The following ASIC2 variants were observed in gnomAD, a reference collection of about 807,000 sequenced individuals.
ASIC2 encodes acid sensing ion channel subunit 2, also known as acid-sensing ion channel 2.
In ASIC2, 25 loss-of-function variants were observed where a neutral mutation model predicts 57.3. That is an observed-to-expected ratio of 0.44 (90% CI 0.32 to 0.61). The LOEUF is 0.61. Ranked by LOEUF, ASIC2 falls within the 20% of genes least tolerant of loss-of-function variation. The pLI is 0.06. For missense variants in ASIC2, 641 were observed against 738.1 expected, an observed-to-expected ratio of 0.87 and a Z score of 1.52; for synonymous variants, 319 against 307.5, an observed-to-expected ratio of 1.04 and a Z score of -0.39.
chr17:34,005,831 C>T (rs886300606), intron 1 of ASIC2: 13 of 152,252 alleles, frequency 8.5e-5, no homozygotes, highest in African/African-American at 2.9e-4. Context: ...AGATCATACT[C>T]AACTGTGGCC....
chr17:33,597,411 A>T (rs1182674891), intron 1 of ASIC2, among the ~76,000 whole-genome samples: 3 of 152,206 alleles, frequency 2.0e-5, no homozygotes, highest in Admixed American at 2.0e-4. Context: ...CTTGGATCTA[A>T]CAATATTCTG....
chr17:33,507,641 C>T (rs1002019921), intron 1 of ASIC2, among the ~76,000 whole-genome samples: 7 of 152,020 alleles, frequency 4.6e-5, no homozygotes, highest in South Asian at 2.1e-4. Context: ...TGGTGGCTCA[C>T]GCCTGTAATA....
Position 34,099,102 on chromosome 17 carries a change from AAGAG to A in ASIC2, c.555+56872_555+56875del, listed in dbSNP as rs74200841. 8.6e-3 allele frequency among the ~76,000 whole-genome samples: 699 copies of A among 81,226 alleles called. 7 individuals are homozygous for A. Among genetic ancestry groups the A allele is most frequent in the East Asian group, 0.035 (104 of 2,940 alleles). 53.3% of individuals were successfully genotyped at this position (81,226 alleles called of 152,430 possible). A position where few individuals can be genotyped will look rare whatever the true frequency, so the allele number is the denominator to read the frequency against. On this transcript the variant is annotated intron_variant, in intron 1 of 9. Coordinates refer to the ASIC2 transcript ENST00000359872. ...GAGCAGCAGCTACATTAAGAGAGAA[AAGAG>A]AGAGAGAGAGAGAGAGAGAGAGAGA... is the stretch of plus-strand genomic sequence containing the variant.
chr17:34,155,113 C>G (rs766287893), intron 1 of ASIC2, among the ~76,000 whole-genome samples: 1 of 151,832 alleles, frequency 6.6e-6, no homozygotes, highest in Non-Finnish European at 1.5e-5. Context: ...CACAGCTGTT[C>G]GCCCCCTCCC....
At chr17:33,405,073 C>T (rs748170168) in intron 1 of ASIC2, among the ~76,000 whole-genome samples, 2 of 151,612 alleles carry the variant, frequency 1.3e-5, no homozygotes, top group Non-Finnish European at 2.9e-5. Flanking sequence ...CAGGCATGTG[C>T]TTGTCTCTGA....
intron 1 of ASIC2, among the ~76,000 whole-genome samples, chr17:33,153,838 A>G (rs1404874707): frequency 6.6e-6 from 1 of 152,112 alleles, no homozygotes; most frequent in African/African-American, 2.4e-5. Context: ...CTCTTGATCC[A>G]TGTGAATTTG....
At chr17:34,071,857 C>CA (rs1909420110) in intron 1 of ASIC2, 1 of 151,678 alleles carries the variant, frequency 6.6e-6, no homozygotes, top group Non-Finnish European at 1.5e-5. Context: ...AGTATAGTCT[C>CA]AAAGACATTT....
At chr17:34,021,485 C>T (rs1395445254) in intron 1 of ASIC2, among the ~76,000 whole-genome samples, 5 of 152,196 alleles carry the variant, frequency 3.3e-5, no homozygotes, top group African/African-American at 1.2e-4. Flanking sequence ...GGGCAGGGCT[C>T]TGGAATCTCA....
At chr17:33,423,235 T>C (rs1409327104) in intron 1 of ASIC2, among the ~76,000 whole-genome samples, 1 of 152,184 alleles carries the variant, frequency 6.6e-6, no homozygotes, top group Non-Finnish European at 1.5e-5. Flanking sequence ...TCTTGGTATG[T>C]TTTAAATGTT....
At chr17:33,391,878 G>T (rs1023930200) in intron 1 of ASIC2, among the ~76,000 whole-genome samples, 8 of 152,138 alleles carry the variant, frequency 5.3e-5, no homozygotes, top group Non-Finnish European at 1.2e-4. Context: ...ATCACATTTT[G>T]TAGATGAGAA....
intron 1 of ASIC2, among the ~76,000 whole-genome samples, chr17:33,611,884 T>C (rs1905420357): frequency 6.6e-6 from 1 of 152,194 alleles, no homozygotes; most frequent in Admixed American, 6.5e-5. Context: ...CTATAAGGAA[T>C]TGGCTCATGC....
chr17:33,772,431 G>A (rs554845055), intron 1 of ASIC2, among the ~76,000 whole-genome samples: 76 of 152,256 alleles, frequency 5.0e-4, no homozygotes, highest in African/African-American at 1.6e-3. Context: ...GTATGTTTGG[G>A]TCTTCATTCT....
rs182707181 is a variant in ASIC2 at position 33,930,564 on chromosome 17, G to A, written c.555+225414C>T. On this transcript the variant is annotated intron_variant, in intron 1 of 9. Transcript: ENST00000359872. ...GCTGTCTGTGAATATGCCTCATGCT[G>A]TGAGCAACACAATAAAGTTTGCTTC... Among the ~76,000 whole-genome samples, 15 of 152,340 alleles carry A rather than the reference G, an allele frequency of 9.8e-5. No homozygotes were observed. In the East Asian group the frequency reaches 2.7e-3, roughly 27 times the overall value.
intron 1 of ASIC2, among the ~76,000 whole-genome samples, chr17:33,285,938 T>C (rs955177330): frequency 1.3e-5 from 2 of 152,218 alleles, no homozygotes; most frequent in Admixed American, 6.5e-5. Context: ...CAAGTCATAA[T>C]AATGGAAATA....
rs1911135596 is a variant in ASIC2, at chr17:33,424,118, G to A, written c.556-312051C>T. Among the ~76,000 whole-genome samples the A allele has an allele frequency of 3.9e-5, 6 of 152,266 alleles. No individual in the cohort carries two copies. In the South Asian group the frequency reaches 1.2e-3, roughly 32 times the overall value. ...TCCACAGAGACTCTGATGCTACAGGGTGGGGCTCTGAGAAATGCCACTTCA... is the reference window on the plus strand; with the variant it reads ...TCCACAGAGACTCTGATGCTACAGGATGGGGCTCTGAGAAATGCCACTTCA... On this transcript the variant is annotated intron_variant, in intron 1 of 9. Coordinates refer to the ASIC2 transcript ENST00000359872.
chr17:33,799,208 GTTCC>G (rs56968316), intron 1 of ASIC2, among the ~76,000 whole-genome samples: 9,233 of 151,524 alleles, frequency 0.061, 417 homozygotes, highest in East Asian at 0.22. Flanking sequence ...TGTGTAATCA[GTTCC>G]TTCCTTCCTT....
At chr17:33,039,126 G>A (rs2091920891) in intron 3 of ASIC2, among the ~76,000 whole-genome samples, 1 of 152,210 alleles carries the variant, frequency 6.6e-6, no homozygotes, top group African/African-American at 2.4e-5. Context: ...GACAGGGAGA[G>A]ATATCCACCT....
intron 1 of ASIC2, chr17:34,147,130 G>A (rs17193410): frequency 0.1 from 15,644 of 152,256 alleles, 1,005 homozygotes; most frequent in South Asian, 0.27. Flanking sequence ...TTGAGTTTCA[G>A]CAACAGATGT....
chr17:33,321,345 T>C (rs1213774980), intron 1 of ASIC2, among the ~76,000 whole-genome samples: 2 of 152,186 alleles, frequency 1.3e-5, no homozygotes, highest in African/African-American at 2.4e-5. Context: ...GAGGGGACCA[T>C]TTAAGTTCAC....
Sources: allele counts gnomAD v4.1 joint callset (sites outside exome capture counted in the v4.1 genomes callset), GRCh38; gene constraint gnomAD v4.1.1; transcripts MANE v1.5; gene names NCBI Gene and HGNC (gene_info 2026-07-23, HGNC 2026-07-21).